The following CLASP1 variants were observed in gnomAD, a reference collection of about 807,000 sequenced individuals.
CLASP1 encodes CLIP-associating protein 1.
Under a neutral mutation model 192.3 loss-of-function variants are expected in CLASP1, and 38 were observed. The observed-to-expected ratio is 0.20, with a 90% CI of 0.15 to 0.26. The LOEUF (loss-of-function observed/expected upper bound fraction) is 0.26. CLASP1 is among the 10% of genes least tolerant of loss of function. CLASP1 has a pLI of 1.00. For missense variants in CLASP1, 1,433 were observed against 1,932.5 expected, an observed-to-expected ratio of 0.74 and a Z score of 4.85; for synonymous variants, 691 against 712.8, an observed-to-expected ratio of 0.97 and a Z score of 0.49.
At chr2:121,553,457 A>G (rs752471751) in intron 2 of CLASP1, among the ~76,000 whole-genome samples, 4 of 151,876 alleles carry the variant, frequency 2.6e-5, no homozygotes, top group Non-Finnish European at 5.9e-5. Context: ...TAATCCCACC[A>G]CTTTGGGAGG....
rs577943442 is a variant in CLASP1 at position 121,448,081 on chromosome 2, TG to T, written c.1741+194del. ...CATTCCTAAGTCACCCCGTCAATGT[TG>T]TCCTCAGCAGCGAGTGGCCCTGACA... On this transcript the variant is annotated intron_variant, in intron 18 of 39. Transcript: ENST00000263710. Among the ~76,000 whole-genome samples the T allele has an allele frequency of 2.1e-3, 318 of 152,364 alleles. 1 individual carries two copies. The highest frequency in any genetic ancestry group is 6.1e-3 in the African/African-American group (254 of 41,594).
At chr2:121,403,309 C>A in intron 26 of CLASP1, 1 of 422,820 alleles carries the variant, frequency 2.4e-6, no homozygotes, top group Non-Finnish European at 4.7e-6. Flanking sequence ...ACCATATCTT[C>A]TTTTCTATAT....
chr2:121,537,314 C>G (rs540585610), intron 2 of CLASP1, among the ~76,000 whole-genome samples: 1 of 151,900 alleles, frequency 6.6e-6, no homozygotes, highest in African/African-American at 2.4e-5. Flanking sequence ...ATCGCTCGAG[C>G]CCAGGAGGTT....
At chr2:121,580,619 T>A (rs937647357) in intron 2 of CLASP1, among the ~76,000 whole-genome samples, 1 of 152,228 alleles carries the variant, frequency 6.6e-6, no homozygotes, top group African/African-American at 2.4e-5. Flanking sequence ...TAAACTACAC[T>A]TGCTGCAGAG....
At chr2:121,520,926 C>A (rs529993941) in intron 6 of CLASP1, among the ~76,000 whole-genome samples, 1 of 152,282 alleles carries the variant, frequency 6.6e-6, no homozygotes, top group East Asian at 1.9e-4. Flanking sequence ...CCCTTCCCAG[C>A]AGCTGGGTCA....
At chr2:121,556,464 T>C (rs2058581036) in intron 2 of CLASP1, among the ~76,000 whole-genome samples, 1 of 152,158 alleles carries the variant, frequency 6.6e-6, no homozygotes. Context: ...TTCACTGGCC[T>C]CCTGGCTGTT....
At chr2:121,539,344 C>A (rs1575802671) in intron 2 of CLASP1, among the ~76,000 whole-genome samples, 1 of 152,098 alleles carries the variant, frequency 6.6e-6, no homozygotes, top group East Asian at 1.9e-4. Context: ...GAAACAGATT[C>A]GGGCCTATGA....
chr2:121,550,746 T>A (rs1365142041), intron 2 of CLASP1, among the ~76,000 whole-genome samples: 1 of 151,702 alleles, frequency 6.6e-6, no homozygotes, highest in Non-Finnish European at 1.5e-5. Context: ...GAATTCGTAA[T>A]AAAAAGCCTA....
intron 2 of CLASP1, among the ~76,000 whole-genome samples, chr2:121,594,194 G>A (rs2062817601): frequency 6.7e-6 from 1 of 150,078 alleles, no homozygotes; most frequent in African/African-American, 2.5e-5. Flanking sequence ...CAGCTACTCA[G>A]GAGGCTGAGG....
chr2:121,448,674 T>C lies in CLASP1; in HGVS notation c.1691+279A>G, dbSNP rs190089536. 1.5e-3 allele frequency among the ~76,000 whole-genome samples: 221 copies of C among 152,310 alleles called. 1 individual carries two copies. The highest frequency in any genetic ancestry group is 0.013 in the Admixed American group (193 of 15,294). On this transcript the variant is annotated intron_variant, in intron 17 of 39. Coordinates refer to ENST00000263710, the Ensembl canonical transcript of CLASP1. ...CTGAGAAGACTCTGAAGCACTGGTG[T>C]GTATAGTTCACACTACTCCATAATT...
At chr2:121,576,190 A>AT (rs961926492) in intron 2 of CLASP1, among the ~76,000 whole-genome samples, 17 of 151,456 alleles carry the variant, frequency 1.1e-4, no homozygotes, top group Non-Finnish European at 2.2e-4. Context: ...TACAGGTAAA[A>AT]TTTTTTTTTT....
chr2:121,555,300 G>A (rs905352407), intron 2 of CLASP1, among the ~76,000 whole-genome samples: 1 of 152,152 alleles, frequency 6.6e-6, no homozygotes, highest in African/African-American at 2.4e-5. Context: ...CAACTCCAGT[G>A]GCCTCCCACC....
chr2:121,484,283 C>T (rs1230759262), intron 8 of CLASP1, among the ~76,000 whole-genome samples: 4 of 152,180 alleles, frequency 2.6e-5, no homozygotes, highest in African/African-American at 9.7e-5. Flanking sequence ...TCCATCATCT[C>T]GGCCCACCAC....
intron 9 of CLASP1, among the ~76,000 whole-genome samples, chr2:121,468,616 C>T (rs1247906258): frequency 1.3e-5 from 2 of 152,150 alleles, no homozygotes; most frequent in Non-Finnish European, 2.9e-5. Flanking sequence ...GATATTTGCA[C>T]ATTAATTTTG....
chr2:121,471,333 C>T (rs537076273), intron 8 of CLASP1, among the ~76,000 whole-genome samples: 2 of 152,062 alleles, frequency 1.3e-5, no homozygotes, highest in Non-Finnish European at 2.9e-5. Context: ...TTTATGCAAA[C>T]ACTTTAATGA....
chr2:121,459,920 C>CT (rs1209621052), intron 12 of CLASP1, 60 bp downstream of exon 12: 3 of 1,486,512 alleles, frequency 2.0e-6, no homozygotes, highest in Non-Finnish European at 2.7e-6. Context: ...AAGGAGACAT[C>CT]TCTGAAGCTC....
chr2:121,642,202 G>C lies in CLASP1; in HGVS notation c.-286+7170C>G, dbSNP rs1576706984. Among the ~76,000 whole-genome samples, 3 of 151,970 alleles carry C rather than the reference G, an allele frequency of 2.0e-5. 1 individual carries two copies. The highest frequency in any genetic ancestry group is 7.2e-5 in the African/African-American group (3 of 41,466). ...GGAGGGTGAGGCAGGAGGATTGCTT[G>C]AGTCCAGGAGTTTGAGACCAGCCTG... On this transcript the variant is annotated intron_variant, in intron 1 of 39. Coordinates refer to ENST00000263710, the Ensembl canonical transcript of CLASP1.
At chr2:121,599,427 A>C (rs1301976066) in intron 2 of CLASP1, among the ~76,000 whole-genome samples, 1 of 150,292 alleles carries the variant, frequency 6.7e-6, no homozygotes, top group Non-Finnish European at 1.5e-5. Flanking sequence ...GTCTCTACTA[A>C]AAATACAAAA....
intron 35 of CLASP1, among the ~76,000 whole-genome samples, chr2:121,365,542 C>T (rs2067235409): frequency 6.6e-6 from 1 of 152,208 alleles, no homozygotes; most frequent in South Asian, 2.1e-4. Context: ...AATGTCTTCA[C>T]CCTTCCTTGC....
Sources: gnomAD v4.1 joint callset for allele counts (sites outside exome capture counted in the v4.1 genomes callset) on GRCh38, gnomAD v4.1.1 for gene constraint, MANE v1.5 for transcripts, NCBI Gene and HGNC (gene_info 2026-07-23, HGNC 2026-07-21) for gene names.